Variants in ITPR3 observed in about 807,000 individuals in gnomAD.
ITPR3 encodes the protein inositol 1,4,5-trisphosphate receptor type 3.
Under a neutral mutation model 293.2 loss-of-function variants are expected in ITPR3, and 173 were observed. The observed-to-expected ratio is 0.59, with a 90% CI of 0.52 to 0.67. ITPR3 has a LOEUF of 0.67. Among genes scored for constraint, ITPR3 ranks in the 30% least tolerant of loss-of-function variants. ITPR3 has a pLI of 0.00. For missense variants in ITPR3, 2,796 were observed against 3,592.1 expected (o/e 0.78, Z 5.66); for synonymous variants, 1,295 against 1,444.4 (o/e 0.90, Z 2.35).
At chr6:33,648,563 A>G (rs1031626107) in intron 2 of ITPR3, among the ~76,000 whole-genome samples, 9 of 150,972 alleles carry the variant, frequency 6.0e-5, no homozygotes, top group Admixed American at 4.0e-4. Flanking sequence ...CATTCTGTCA[A>G]TTCCTCCAAG....
Position 33,621,806 on chromosome 6 carries a change from T to C in ITPR3, c.89+115T>C, listed in dbSNP as rs750970398. ...GATAGAGGCCTGGACGTCCCCCTAG[T>C]CTCAAGGAGCGGGAACGGCTCGCCT... On this transcript the variant is annotated intron_variant, in intron 1 of 57. Transcript: ENST00000605930. This position sits in a 1 kb window ranked among gnomAD's most constrained non-coding sequence, Gnocchi z 7.7. The C allele has an allele frequency of 6.9e-5, 51 of 744,126 alleles. No homozygotes were observed. Among genetic ancestry groups the C allele is most frequent in the Non-Finnish European group, 1.1e-4 (47 of 442,998 alleles). 46.1% of individuals were successfully genotyped at this position (744,126 alleles called of 1,614,324 possible). A position where few individuals can be genotyped will look rare whatever the true frequency, so the allele number is the denominator to read the frequency against.
At chr6:33,630,142 T>C (rs1300183114) in intron 1 of ITPR3, among the ~76,000 whole-genome samples, 1 of 152,278 alleles carries the variant, frequency 6.6e-6, no homozygotes, top group Admixed American at 6.5e-5. Flanking sequence ...TACATTTTCT[T>C]ATGCCTCTTC....
rs528636413 is a variant in ITPR3, at chr6:33,631,937, A to G, written c.90-8547A>G. Among the ~76,000 whole-genome samples the G allele has an allele frequency of 8.5e-5, 13 of 152,362 alleles. 1 individual carries two copies. The East Asian group carries it at 1.7e-3, about 20-fold the overall frequency. On this transcript the variant is annotated intron_variant, in intron 1 of 57. Transcript: ENST00000605930. ...TCCTAGGTTATATTAGTAATGCAAC[A>G]AAGAGTAATATTAAAAGCTAAAGAT...
At chr6:33,663,378 TG>T (rs1764524847) in intron 9 of ITPR3, 121 bp from the exon 10 acceptor site, 7 of 975,302 alleles carry the variant, frequency 7.2e-6, no homozygotes, top group Admixed American at 6.0e-5. Flanking sequence ...TGGGCACCCC[TG>T]GGAGGGTGCA....
chr6:33,648,533 T>C (rs1280455688), intron 2 of ITPR3, among the ~76,000 whole-genome samples: 1 of 123,802 alleles, frequency 8.1e-6, no homozygotes, highest in Non-Finnish European at 2.0e-5. Flanking sequence ...GAGTCTCAGT[T>C]ACCCTTTTTT....
At chr6:33,674,363 C>G in intron 24 of ITPR3, 98 bp downstream of exon 24, 1 of 1,156,484 alleles carries the variant, frequency 8.6e-7, no homozygotes, top group Non-Finnish European at 1.3e-6. Context: ...CTGGCTCTTC[C>G]TCTCTGCCAT....
chr6:33,633,546 C>T lies in ITPR3; in HGVS notation c.90-6938C>T, dbSNP rs1419506162. Among the ~76,000 whole-genome samples, 2 of 151,946 alleles carry T rather than the reference C, an allele frequency of 1.3e-5. No individual in the cohort carries two copies. Among genetic ancestry groups the T allele is most frequent in the South Asian group, 4.1e-4 (2 of 4,830 alleles). ...CCCGGGGCCGCCCTCCGCGGGCAGA[C>T]GAGCGGGGGAGAGCAGGAAAGCGCG... On this transcript the variant is annotated intron_variant, in intron 1 of 57. Coordinates refer to ENST00000605930, the MANE Select transcript of ITPR3 (RefSeq NM_002224.4). This position sits in a 1 kb window ranked among gnomAD's most constrained non-coding sequence, Gnocchi z 5.2.
chr6:33,633,994 G>A lies in ITPR3; in HGVS notation c.90-6490G>A, dbSNP rs1048783634. On this transcript the variant is annotated intron_variant, in intron 1 of 57. Transcript: ENST00000605930. This position sits in a 1 kb window ranked among gnomAD's most constrained non-coding sequence, Gnocchi z 5.2. ...CTCCATGCAAACTTGCCTAACTTGT[G>A]TCCCGGCCCTCGGCCCTCCCTCTGG... Among the ~76,000 whole-genome samples, 2 of 152,240 alleles carry A rather than the reference G, an allele frequency of 1.3e-5. No homozygotes were observed. Among genetic ancestry groups the A allele is most frequent in the East Asian group, 3.9e-4 (2 of 5,174 alleles).
chr6:33,677,204 A>G, intron 27 of ITPR3, 115 bp downstream of exon 27: 1 of 970,612 alleles, frequency 1.0e-6, no homozygotes, highest in Admixed American at 2.1e-5. Context: ...CTCACAAGAG[A>G]CATCTTTCAG....
intron 17 of ITPR3, 41 bp from the exon 18 acceptor site, chr6:33,668,933 C>A: frequency 6.2e-7 from 1 of 1,600,792 alleles, no homozygotes; most frequent in South Asian, 1.1e-5. Context: ...GCGTAGTGCC[C>A]TGGACCTGGC....
In ITPR3 at chr6:33,696,509, CT is replaced by C. The variant is rs1765548882; in HGVS notation, c.*732del. 1 of 152,648 alleles carries C rather than the reference CT, an allele frequency of 6.6e-6. No individual in the cohort carries two copies. The highest frequency in any genetic ancestry group is 1.5e-5 in the Non-Finnish European group (1 of 68,086). The allele number at this position is 152,648 out of a possible 1,614,324, so 9.5% of individuals were successfully genotyped here. On this transcript the variant is annotated 3_prime_UTR_variant, in exon 58 of 58. Transcript: ENST00000605930. ...CTTTTGGTGTAATGTTTTACAAATC[CT>C]TTGGCCTGAGAACTAATATGTTAAT...
Position 33,677,104 on chromosome 6 carries a change from G to C in ITPR3, c.3522+15G>C. ...TCGTCAAGGGCGTGAGTGGCCAAGG[G>C]TCCTCGGGGTAGGGATCTGCAGCCC... On this transcript the variant is annotated intron_variant, in intron 27 of 57. Coordinates refer to ENST00000605930, the MANE Select transcript of ITPR3 (RefSeq NM_002224.4). 1 of 1,612,194 alleles carries C rather than the reference G, an allele frequency of 6.2e-7. No homozygotes were observed.
chr6:33,630,622 GCCCGCCTGA>G (rs1439886131), intron 1 of ITPR3, among the ~76,000 whole-genome samples: 2 of 152,176 alleles, frequency 1.3e-5, no homozygotes, highest in Non-Finnish European at 2.9e-5. Context: ...TTGTCAGACA[GCCCGCCTGA>G]CCCTGACAGC....
At position 33,686,070 on chromosome 6, in the gene ITPR3, GAAC is replaced by G. The variant is rs1362017328; in HGVS notation, c.5691_5693del (p.Asn1897del). 1.1e-5 allele frequency: 17 copies of G among 1,614,124 alleles called. No individual in the cohort carries two copies. The highest frequency in any genetic ancestry group is 4.0e-5 in the African/African-American group (3 of 75,080). ...CCCCGCAGAACTTCCTGCGCTGTCA[GAAC>G]AACAAAACCAACTACAACTTGGTAT... On this transcript the variant is annotated inframe_deletion, in exon 42 of 58. Transcript: ENST00000605930.
intron 9 of ITPR3, 41 bp downstream of exon 9, chr6:33,663,047 A>T: frequency 6.6e-7 from 1 of 1,526,504 alleles, no homozygotes; most frequent in East Asian, 2.4e-5. Flanking sequence ...TCGTGTGTGC[A>T]TGTACACGTG....
chr6:33,661,640 G>A (rs1764469948), intron 7 of ITPR3, among the ~76,000 whole-genome samples: 1 of 152,152 alleles, frequency 6.6e-6, no homozygotes, highest in South Asian at 2.1e-4. Flanking sequence ...CCATTTTACA[G>A]AAGAGGCAAC....
At chr6:33,641,005 C>G (rs1355807151) in intron 2 of ITPR3, among the ~76,000 whole-genome samples, 4 of 152,196 alleles carry the variant, frequency 2.6e-5, no homozygotes, top group Non-Finnish European at 4.4e-5. Flanking sequence ...CTGACCCTGG[C>G]TGTGTCCTCA....
intron 48 of ITPR3, 92 bp downstream of exon 48, chr6:33,688,523 T>G: frequency 2.0e-6 from 3 of 1,500,232 alleles, no homozygotes; most frequent in Non-Finnish European, 1.8e-6. Context: ...GTGGGTGCCC[T>G]GCGCCCAACC....
At chr6:33,690,653 T>G (rs1158555090) in intron 51 of ITPR3, among the ~76,000 whole-genome samples, 2 of 152,144 alleles carry the variant, frequency 1.3e-5, no homozygotes, top group Non-Finnish European at 2.9e-5. Context: ...ATTTTAAGAG[T>G]TGGCTGGTAT....
Sources: gnomAD v4.1 joint callset for allele counts (sites outside exome capture counted in the v4.1 genomes callset) on GRCh38, gnomAD v4.1.1 for gene constraint, Gnocchi (gnomAD v3.1) non-coding constraint, MANE v1.5 for transcripts, NCBI Gene and HGNC (gene_info 2026-07-23, HGNC 2026-07-21) for gene names.